Variants in MYO1B observed in about 807,000 individuals in gnomAD.
MYO1B encodes myosin IB.
MYO1B carries 72 observed loss-of-function variants against 159.7 expected under a neutral mutation model. The ratio of observed to expected loss-of-function variants is 0.45; its 90% confidence interval spans 0.37 to 0.55. The LOEUF (loss-of-function observed/expected upper bound fraction) is 0.55, where lower values mean the gene tolerates loss of function less well. Ranked by LOEUF, MYO1B falls within the 20% of genes least tolerant of loss-of-function variation. MYO1B has a pLI of 0.00. For synonymous variants in MYO1B, 468 were observed against 473.8 expected (o/e 0.99, Z 0.16); for missense variants, 1,062 against 1,364.8 (o/e 0.78, Z 3.50).
chr2:191,291,520 G>A (rs1386466488), intron 2 of MYO1B, among the ~76,000 whole-genome samples: 2 of 151,908 alleles, frequency 1.3e-5, no homozygotes, highest in Non-Finnish European at 2.9e-5. Flanking sequence ...CTTCCTGGGT[G>A]TCAGAGGCTG....
At chr2:191,327,907 A>G (rs1381329633) in intron 3 of MYO1B, among the ~76,000 whole-genome samples, 2 of 152,262 alleles carry the variant, frequency 1.3e-5, no homozygotes, top group African/African-American at 4.8e-5. Flanking sequence ...TATGCAAGGC[A>G]GCAGACTCAC....
rs746163624 is a variant in MYO1B, at chr2:191,396,416, T to A, written c.2227-13T>A. 1.2e-4 allele frequency: 190 copies of A among 1,613,652 alleles called. No homozygotes were observed. Among genetic ancestry groups the A allele is most frequent in the Non-Finnish European group, 1.6e-4 (188 of 1,179,678 alleles). ...AACTACAACTGCCAATATCTTCCCCTTTTATCCTACAGCAACAAAAGAGGT... is the reference window on the plus strand; with the variant it reads ...AACTACAACTGCCAATATCTTCCCCATTTATCCTACAGCAACAAAAGAGGT... On this transcript the variant is annotated splice_polypyrimidine_tract_variant and intron_variant, in intron 20 of 30. Coordinates refer to ENST00000392318, the MANE Select transcript of MYO1B (RefSeq NM_001130158.3).
intron 1 of MYO1B, among the ~76,000 whole-genome samples, chr2:191,249,100 T>G (rs1489221470): frequency 1.3e-5 from 2 of 152,128 alleles, no homozygotes; most frequent in Non-Finnish European, 2.9e-5. Flanking sequence ...GAGTAGATCT[T>G]ATATTGCACT....
At chr2:191,391,910 C>T (rs1695777162) in intron 18 of MYO1B, among the ~76,000 whole-genome samples, 198 bp from the exon 19 acceptor site, 1 of 151,860 alleles carries the variant, frequency 6.6e-6, no homozygotes, top group Admixed American at 6.6e-5. Context: ...AGTTATGAAC[C>T]CAAATTTACT....
At chr2:191,278,086 C>T (rs1216539115) in intron 2 of MYO1B, among the ~76,000 whole-genome samples, 1 of 152,208 alleles carries the variant, frequency 6.6e-6, no homozygotes, top group Non-Finnish European at 1.5e-5. Context: ...ATAGCCAACT[C>T]TCTTTATCTG....
At chr2:191,270,638 C>T (rs1687399865) in intron 1 of MYO1B, among the ~76,000 whole-genome samples, 1 of 152,124 alleles carries the variant, frequency 6.6e-6, no homozygotes, top group African/African-American at 2.4e-5. Context: ...TTTCTGACTC[C>T]CTTAGCTCAT....
chr2:191,376,535 C>T (rs1472032680), intron 13 of MYO1B, among the ~76,000 whole-genome samples: 1 of 152,116 alleles, frequency 6.6e-6, no homozygotes, highest in African/African-American at 2.4e-5. Context: ...AATCCTGTAA[C>T]TTTTATATAA....
chr2:191,332,044 C>A (rs1574447181), intron 4 of MYO1B, among the ~76,000 whole-genome samples: 1 of 152,324 alleles, frequency 6.6e-6, no homozygotes. Context: ...CTCACTGCAA[C>A]CTCCACCCTC....
At chr2:191,400,909 G>A in intron 23 of MYO1B, 74 bp downstream of exon 23, 3 of 1,385,870 alleles carry the variant, frequency 2.2e-6, no homozygotes, top group South Asian at 1.3e-5. Context: ...AGCCTATTAG[G>A]GGATGAATGA....
intron 11 of MYO1B, among the ~76,000 whole-genome samples, chr2:191,368,934 A>G (rs1382411115): frequency 2.0e-5 from 3 of 152,190 alleles, no homozygotes; most frequent in African/African-American, 7.2e-5. Context: ...AGATTGTGCT[A>G]CTGCACTCCA....
At chr2:191,285,949 C>T (rs1261846568) in intron 2 of MYO1B, among the ~76,000 whole-genome samples, 1 of 152,142 alleles carries the variant, frequency 6.6e-6, no homozygotes, top group East Asian at 1.9e-4. Context: ...GGATGCCAAG[C>T]AGCTGAAAGA....
At chr2:191,422,670 C>G (rs951951782) in intron 30 of MYO1B, among the ~76,000 whole-genome samples, 1 of 152,156 alleles carries the variant, frequency 6.6e-6, no homozygotes, top group African/African-American at 2.4e-5. Flanking sequence ...CTAGCAATAG[C>G]TATTAGCATA....
At chr2:191,315,612 T>C (rs1690298157) in intron 3 of MYO1B, among the ~76,000 whole-genome samples, 1 of 152,168 alleles carries the variant, frequency 6.6e-6, no homozygotes, top group Non-Finnish European at 1.5e-5. Flanking sequence ...AAGACCAAAG[T>C]GCATTGCTCA....
At chr2:191,397,104 T>TA (rs1243812011) in intron 21 of MYO1B, among the ~76,000 whole-genome samples, 1 of 106,308 alleles carries the variant, frequency 9.4e-6, no homozygotes, top group Non-Finnish European at 2.1e-5. Flanking sequence ...CCGTTGTTTT[T>TA]AAAAAAGCAA....
intron 4 of MYO1B, among the ~76,000 whole-genome samples, chr2:191,330,708 T>C (rs537669753): frequency 6.6e-6 from 1 of 152,300 alleles, no homozygotes; most frequent in East Asian, 1.9e-4. Flanking sequence ...GCTGCTGTTA[T>C]CAGTGGGTTT....
intron 2 of MYO1B, among the ~76,000 whole-genome samples, chr2:191,278,707 G>C (rs1687886521): frequency 6.6e-6 from 1 of 152,256 alleles, no homozygotes; most frequent in Admixed American, 6.5e-5. Context: ...GGGTGGCATT[G>C]TTTGGCTTGG....
intron 6 of MYO1B, among the ~76,000 whole-genome samples, chr2:191,347,615 A>G (rs912597396): frequency 4.6e-5 from 7 of 152,222 alleles, no homozygotes; most frequent in Non-Finnish European, 1.0e-4. Context: ...TTGGCAGGTG[A>G]TTTGGCTTAT....
intron 3 of MYO1B, among the ~76,000 whole-genome samples, chr2:191,310,311 T>A (rs1559158794): frequency 1.3e-5 from 2 of 152,212 alleles, no homozygotes; most frequent in Admixed American, 1.3e-4. Flanking sequence ...CAAGTGATTC[T>A]TGTGCCTCAG....
intron 2 of MYO1B, among the ~76,000 whole-genome samples, chr2:191,285,397 C>T (rs1688305372): frequency 6.6e-6 from 1 of 152,170 alleles, no homozygotes; most frequent in South Asian, 2.1e-4. Flanking sequence ...GTAGGCACGT[C>T]TTGGACTAGG....
Sources: allele counts gnomAD v4.1 joint callset (sites outside exome capture counted in the v4.1 genomes callset), GRCh38; gene constraint gnomAD v4.1.1; transcripts MANE v1.5; gene names NCBI Gene and HGNC (gene_info 2026-07-23, HGNC 2026-07-21).